The following PCDHGA1 variants were observed in gnomAD, a reference collection of about 807,000 sequenced individuals.
The protein encoded by PCDHGA1 is protocadherin gamma subfamily A, 1.
PCDHGA1 carries 32 observed loss-of-function variants against 58.0 expected under a neutral mutation model. That is an observed-to-expected ratio of 0.55 (90% CI 0.42 to 0.74). The LOEUF is 0.74. Ranked by LOEUF, PCDHGA1 falls within the 30% of genes least tolerant of loss-of-function variation. The pLI, the probability that PCDHGA1 is intolerant of heterozygous loss-of-function variation, is 0.00. For synonymous variants in PCDHGA1, 498 were observed against 501.1 expected (o/e 0.99, Z 0.08); for missense variants, 1,205 against 1,182.3 (o/e 1.02, Z -0.28).
chr5:141,476,190 C>T lies in PCDHGA1; in HGVS notation c.2422-18617C>T. On this transcript the variant is annotated intron_variant, in intron 1 of 3. Transcript: ENST00000517417. The surrounding 1 kb of genome is among the most constrained non-coding windows in gnomAD (Gnocchi z 7.6). ...GTGGGAGTTTTGCTTCTGCTTGGTG[C>T]CTTGAACAAGGCTTCCACGGTCATT... is the stretch of plus-strand genomic sequence containing the variant. 3.1e-6 allele frequency: 5 copies of T among 1,613,694 alleles called. No individual in the cohort carries two copies. The highest frequency in any genetic ancestry group is 4.2e-6 in the Non-Finnish European group (5 of 1,179,988).
chr5:141,409,018 G>A (rs369210340), intron 1 of PCDHGA1: 31 of 1,613,814 alleles, frequency 1.9e-5, no homozygotes, highest in Non-Finnish European at 2.5e-5. Context: ...AGGATGAGGG[G>A]GTCAATGCTG....
At position 141,332,032 on chromosome 5, in the gene PCDHGA1, C is replaced by G. The variant is rs1184415258; in HGVS notation, c.1348C>G (p.Pro450Ala). ...LLVTDINDNS[P>A]VFHQDSYSAY... is the part of the protein sequence containing the mutation. Reference sequence around the variant, plus strand: ...AGTGACAGATATCAATGACAACTCCCCAGTCTTCCATCAGGACTCCTACTC... The same window carrying G: ...AGTGACAGATATCAATGACAACTCCGCAGTCTTCCATCAGGACTCCTACTC... Residue 450 changes from proline (P) to alanine (A), a missense_variant, in exon 1 of 4, where the codon CCA becomes GCA. By Grantham distance (27) the Pro-to-Ala change is conservative. Coordinates refer to ENST00000517417, the MANE Select transcript of PCDHGA1 (RefSeq NM_018912.3). The surrounding 1 kb of genome is among the most constrained non-coding windows in gnomAD (Gnocchi z 4.6). 2.5e-6 allele frequency: 4 copies of G among 1,614,032 alleles called. No individual in the cohort carries two copies. Among genetic ancestry groups the G allele is most frequent in the African/African-American group, 2.7e-5 (2 of 74,902 alleles).
chr5:141,346,240 C>T, intron 1 of PCDHGA1: 2 of 1,614,204 alleles, frequency 1.2e-6, no homozygotes, highest in Non-Finnish European at 1.7e-6. Flanking sequence ...GCGAGTACGC[C>T]CGGCTCGCAC....
intron 1 of PCDHGA1, chr5:141,357,177 A>G (rs553735301): frequency 3.7e-6 from 6 of 1,613,562 alleles, no homozygotes; most frequent in Non-Finnish European, 5.1e-6. Context: ...CCACCGTCAC[A>G]CTCACTGTGG....
At chr5:141,441,730 A>T in intron 1 of PCDHGA1, 1 of 362,750 alleles carries the variant, frequency 2.8e-6, no homozygotes, top group South Asian at 2.2e-5. Context: ...CGCGACCAGG[A>T]CTAGCTCGCG....
At chr5:141,413,443 A>G (rs2095641277) in intron 1 of PCDHGA1, 1 of 1,613,986 alleles carries the variant, frequency 6.2e-7, no homozygotes, top group Admixed American at 1.7e-5. Context: ...CAGCTTGATC[A>G]CCGCGGGCAG....
intron 1 of PCDHGA1, chr5:141,419,210 G>A: frequency 6.2e-7 from 1 of 1,613,926 alleles, no homozygotes; most frequent in Non-Finnish European, 8.5e-7. Flanking sequence ...CAACGCGCCG[G>A]TTTTCGGACA....
intron 1 of PCDHGA1, chr5:141,370,358 T>A (rs772671669): frequency 4.8e-5 from 73 of 1,513,438 alleles, no homozygotes; most frequent in Non-Finnish European, 6.2e-5. Context: ...AGATCTCCTC[T>A]CCTCGGATTT....
At chr5:141,418,803 A>G (rs1358411126) in intron 1 of PCDHGA1, 1 of 1,613,894 alleles carries the variant, frequency 6.2e-7, no homozygotes, top group Non-Finnish European at 8.5e-7. Context: ...GTAGAAAGAT[A>G]TACGATAAAC....
chr5:141,388,237 A>G, intron 1 of PCDHGA1: 3 of 1,607,818 alleles, frequency 1.9e-6, no homozygotes, highest in Non-Finnish European at 2.6e-6. Context: ...AACTTTTATC[A>G]CGTGAATGTG....
chr5:141,361,845 T>G, intron 1 of PCDHGA1: 1 of 1,612,744 alleles, frequency 6.2e-7, no homozygotes, highest in Non-Finnish European at 8.5e-7. Flanking sequence ...TGGGGCCTGA[T>G]GGCTCCGCCC....
chr5:141,356,648 A>G (rs1328891530), intron 1 of PCDHGA1: 2 of 1,613,954 alleles, frequency 1.2e-6, no homozygotes, highest in East Asian at 2.2e-5. Context: ...GACAGTGGTG[A>G]CAATGCCCGA....
At position 141,487,946 on chromosome 5, in the gene PCDHGA1, C is replaced by G. The variant is rs187890859; in HGVS notation, c.2422-6861C>G. 7.9e-5 allele frequency among the ~76,000 whole-genome samples: 12 copies of G among 152,298 alleles called. No homozygotes were observed. The highest frequency in any genetic ancestry group is 7.8e-4 in the Admixed American group (12 of 15,304). Reference sequence around the variant, plus strand: ...AGTGCACAGGGTACAGTGCACCAGGCAGTCACTTGGACAAAGGTGGCTGTT... The same window carrying G: ...AGTGCACAGGGTACAGTGCACCAGGGAGTCACTTGGACAAAGGTGGCTGTT... On this transcript the variant is annotated intron_variant, in intron 1 of 3. Transcript: ENST00000517417. The surrounding 1 kb of genome is among the most constrained non-coding windows in gnomAD (Gnocchi z 5.0).
In PCDHGA1 at chr5:141,418,027, T is replaced by C. The variant is rs536104184; in HGVS notation, c.2422-76780T>C. On this transcript the variant is annotated intron_variant, in intron 1 of 3. Coordinates refer to ENST00000517417, the MANE Select transcript of PCDHGA1 (RefSeq NM_018912.3). ...GGAACCTCGCTAAGGATCTAGGGCT[T>C]AGTGTCCTGGATGTGTCGGCTCGCG... is the stretch of plus-strand genomic sequence containing the variant. 144 of 1,613,732 alleles carry C rather than the reference T, an allele frequency of 8.9e-5. No homozygotes were observed. The East Asian group carries it at 1.2e-3, about 14-fold the overall frequency.
chr5:141,374,518 C>T (rs766036470), intron 1 of PCDHGA1: 2 of 1,612,420 alleles, frequency 1.2e-6, no homozygotes, highest in South Asian at 1.1e-5. Flanking sequence ...TTCTCGAAAA[C>T]GCAGCTCCAT....
chr5:141,410,661 A>G, intron 1 of PCDHGA1: 1 of 1,572,394 alleles, frequency 6.4e-7, no homozygotes, highest in Non-Finnish European at 8.6e-7. Context: ...CTAATAGTCT[A>G]CTAGTTTCTC....
intron 1 of PCDHGA1, chr5:141,367,494 G>T (rs1765172708): frequency 6.6e-6 from 1 of 151,970 alleles, no homozygotes; most frequent in African/African-American, 2.4e-5. Context: ...CCGAGATCGC[G>T]CCACTGCACT....
intron 1 of PCDHGA1, chr5:141,399,900 C>A (rs752796935): frequency 6.2e-7 from 1 of 1,612,532 alleles, no homozygotes; most frequent in African/African-American, 1.3e-5. Flanking sequence ...TGGCCGTGGA[C>A]GCAGACTCAG....
At position 141,421,474 on chromosome 5, in the gene PCDHGA1, G is replaced by C. The variant is rs1320526226; in HGVS notation, c.2422-73333G>C. 4 of 1,614,132 alleles carry C rather than the reference G, an allele frequency of 2.5e-6. No homozygotes were observed. The African/African-American group carries it at 5.3e-5, about 21-fold the overall frequency. On this transcript the variant is annotated intron_variant, in intron 1 of 3. Coordinates refer to ENST00000517417, the MANE Select transcript of PCDHGA1 (RefSeq NM_018912.3). ...GCTTTTCGCTGTGAATCCGCGAAGCGGCAGCTTGATCACGGCAGGCAGGAT... is the reference window on the plus strand; with the variant it reads ...GCTTTTCGCTGTGAATCCGCGAAGCCGCAGCTTGATCACGGCAGGCAGGAT...
Sources: allele counts gnomAD v4.1 joint callset (sites outside exome capture counted in the v4.1 genomes callset), GRCh38; gene constraint gnomAD v4.1.1; non-coding constraint Gnocchi (gnomAD v3.1); transcripts MANE v1.5; gene names NCBI Gene and HGNC (gene_info 2026-07-23, HGNC 2026-07-21).